Variants in SLC25A37 observed in about 807,000 individuals in gnomAD.
SLC25A37 encodes the protein solute carrier family 25 member 37.
A neutral mutation model predicts 31.0 loss-of-function variants in SLC25A37; 17 were observed. The ratio of observed to expected loss-of-function variants is 0.55; its 90% CI spans 0.38 to 0.82. SLC25A37 has a LOEUF of 0.82. SLC25A37 is among the 40% of genes least tolerant of loss of function. SLC25A37 has a pLI of 0.00. For missense variants in SLC25A37, 404 were observed against 465.8 expected (o/e 0.87, Z 1.22); for synonymous variants, 222 against 193.0 (o/e 1.15, Z -1.24).
chr8:23,566,543 C>T (rs527389507), intron 2 of SLC25A37: 25 of 1,321,428 alleles, frequency 1.9e-5, no homozygotes, highest in East Asian at 6.5e-5. Flanking sequence ...TGTTCCCCTC[C>T]GCTTTCTGAA....
intron 1 of SLC25A37, chr8:23,541,430 C>T (rs990266564): frequency 7.2e-5 from 11 of 152,346 alleles, no homozygotes; most frequent in African/African-American, 2.4e-4. Context: ...GACGCCTGGG[C>T]TCTTCCCCAG....
intron 1 of SLC25A37, among the ~76,000 whole-genome samples, chr8:23,539,508 G>C (rs560114089): frequency 3.3e-5 from 5 of 152,216 alleles, no homozygotes; most frequent in Non-Finnish European, 2.9e-5. Flanking sequence ...AGGAGTGTTT[G>C]TGTGTCAGAC....
chr8:23,537,805 G>T (rs73671466), intron 1 of SLC25A37, among the ~76,000 whole-genome samples: 1 of 152,086 alleles, frequency 6.6e-6, no homozygotes, highest in Non-Finnish European at 1.5e-5. Flanking sequence ...GGTGCCTGCC[G>T]CAGAGCCTGC....
intron 1 of SLC25A37, among the ~76,000 whole-genome samples, chr8:23,563,331 G>C (rs1367760584): frequency 6.6e-6 from 1 of 152,124 alleles, no homozygotes; most frequent in Non-Finnish European, 1.5e-5. Context: ...AGGCTACAGA[G>C]GTGTGCCGCC....
intron 1 of SLC25A37, among the ~76,000 whole-genome samples, chr8:23,538,705 C>T (rs571431061): frequency 5.3e-4 from 80 of 152,314 alleles, no homozygotes; most frequent in African/African-American, 1.9e-3. Flanking sequence ...GGTCCCCGTT[C>T]TCAAAGTAAG....
At chr8:23,568,084 A>C (rs1802716016) in intron 2 of SLC25A37, 1 of 577,534 alleles carries the variant, frequency 1.7e-6, no homozygotes, top group Non-Finnish European at 3.2e-6. Context: ...ACAAGAAAGA[A>C]AACCATGTTT....
At chr8:23,562,515 C>T (rs983248448) in intron 1 of SLC25A37, among the ~76,000 whole-genome samples, 1 of 151,996 alleles carries the variant, frequency 6.6e-6, no homozygotes, top group Admixed American at 6.6e-5. Context: ...TATTGGGTTC[C>T]CAATAAATCA....
intron 1 of SLC25A37, among the ~76,000 whole-genome samples, chr8:23,536,562 C>T (rs1801773248): frequency 6.6e-6 from 1 of 152,178 alleles, no homozygotes; most frequent in African/African-American, 2.4e-5. Flanking sequence ...ACACATGCCT[C>T]AGTTTCCTCC....
In SLC25A37 at chr8:23,568,353, C is replaced by T. The variant is rs958807409; in HGVS notation, c.471C>T (p.His157=). ...CTGGGAGTATGGCCACCCTGCTCCA[C>T]GATGCGGTAATGAATCCAGCAGAAG... ...GIAGSMATLL[H]DAVMNPAEVV... is the part of the protein sequence containing the mutation. The change falls in exon 3 of 4, where the codon CAC becomes CAT. Residue 157 remains histidine, a synonymous_variant. Transcript: ENST00000519973. The T allele has an allele frequency of 6.2e-6, 10 of 1,613,812 alleles. No individual in the cohort carries two copies. Among genetic ancestry groups the T allele is most frequent in the East Asian group, 4.5e-5 (2 of 44,862 alleles).
In SLC25A37 at chr8:23,551,875, C is replaced by T. The variant is rs191551962; in HGVS notation, c.211-14233C>T. On this transcript the variant is annotated intron_variant, in intron 1 of 3. Transcript: ENST00000519973. ...AAACTGAAAGGTGTGTTGGGGGGTACCTAGGGTCAGGATGGGGTTTTATTT... is the reference window on the plus strand; with the variant it reads ...AAACTGAAAGGTGTGTTGGGGGGTATCTAGGGTCAGGATGGGGTTTTATTT... 4.6e-5 allele frequency among the ~76,000 whole-genome samples: 7 copies of T among 152,242 alleles called. No homozygotes were observed. The East Asian group carries it at 1.2e-3, about 25-fold the overall frequency.
Position 23,571,597 on chromosome 8 carries a change from C to A in SLC25A37, c.759C>A (p.Thr253=), listed in dbSNP as rs759162331. 6 of 1,613,874 alleles carry A rather than the reference C, an allele frequency of 3.7e-6. No homozygotes were observed. Among genetic ancestry groups the A allele is most frequent in the East Asian group, 2.2e-5 (1 of 44,876 alleles). ...LAGALAAAAT[T]PLDVCKTLLN... The stretch of plus-strand genomic sequence containing the variant: ...GGGCCCTCGCCGCGGCCGCCACGAC[C>A]CCCCTGGACGTCTGTAAGACCCTTC... The change falls in exon 4 of 4, where the codon ACC becomes ACA. Residue 253 remains threonine, a synonymous_variant. Coordinates refer to ENST00000519973, the MANE Select transcript of SLC25A37 (RefSeq NM_016612.4).
intron 1 of SLC25A37, among the ~76,000 whole-genome samples, chr8:23,544,113 G>C (rs979629024): frequency 6.6e-6 from 1 of 152,128 alleles, no homozygotes; most frequent in Non-Finnish European, 1.5e-5. Flanking sequence ...ACCTGCCCTA[G>C]CCTCCCAAAG....
At position 23,562,212 on chromosome 8, in the gene SLC25A37, T is replaced by G. The variant is rs541042984; in HGVS notation, c.211-3896T>G. Among the ~76,000 whole-genome samples the G allele has an allele frequency of 9.6e-4, 146 of 152,360 alleles. 1 individual carries two copies. Among genetic ancestry groups the G allele is most frequent in the Admixed American group, 3.7e-3 (57 of 15,306 alleles). On this transcript the variant is annotated intron_variant, in intron 1 of 3. Coordinates refer to ENST00000519973, the MANE Select transcript of SLC25A37 (RefSeq NM_016612.4). The stretch of plus-strand genomic sequence containing the variant: ...GGCCTCTCCCCTGAAGGGCGCTGCC[T>G]GGAGCCACCTCTTGTTCACAGGCCC...
intron 2 of SLC25A37, 182 bp from the exon 3 acceptor site, chr8:23,568,140 C>A: frequency 1.4e-6 from 1 of 702,440 alleles, no homozygotes; most frequent in Non-Finnish European, 2.6e-6. Context: ...TAACCATCCC[C>A]ATTTTTATCA....
chr8:23,565,330 C>G (rs1802624271), intron 1 of SLC25A37, among the ~76,000 whole-genome samples: 1 of 152,146 alleles, frequency 6.6e-6, no homozygotes. Context: ...AAGCGCTTTT[C>G]CCTCCTGGAT....
chr8:23,571,778 G>T lies in SLC25A37; in HGVS notation c.940G>T (p.Ala314Ser), dbSNP rs746602617. The T allele has an allele frequency of 6.2e-7, 1 of 1,614,006 alleles. No homozygotes were observed. Among genetic ancestry groups the T allele is most frequent in the East Asian group, 2.2e-5 (1 of 44,876 alleles). The change falls in exon 4 of 4, where the codon GCC (alanine) becomes TCC (serine). Residue 314 changes from alanine (A) to serine (S), a missense_variant. Physicochemically the swap from Ala to Ser is moderately conservative, Grantham distance 99. Around this residue, in one of 3 missense-constraint regions of SLC25A37, gnomAD observed 243 missense variants for 284.4 expected, o/e 0.85. Coordinates refer to ENST00000519973, the MANE Select transcript of SLC25A37 (RefSeq NM_016612.4). ...TGTCATCTACCAGATGCCCTCCACC[G>T]CCATTTCTTGGTCTGTCTATGAGTT... ...ARVIYQMPST[A>S]ISWSVYEFFK... is the part of the protein sequence containing the mutation.
chr8:23,562,773 T>C lies in SLC25A37; in HGVS notation c.211-3335T>C, dbSNP rs567667711. The stretch of plus-strand genomic sequence containing the variant: ...TGGGGAAACTCAAACTTAGAAAGTT[T>C]AATGACCTTGCCCAGGGTCACACCA... On this transcript the variant is annotated intron_variant, in intron 1 of 3. Transcript: ENST00000519973. Among the ~76,000 whole-genome samples the C allele has an allele frequency of 6.6e-5, 10 of 152,330 alleles. No individual in the cohort carries two copies. The South Asian group carries it at 2.1e-3, about 32-fold the overall frequency.
At chr8:23,563,017 C>T (rs570269060) in intron 1 of SLC25A37, among the ~76,000 whole-genome samples, 2 of 152,318 alleles carry the variant, frequency 1.3e-5, no homozygotes, top group Non-Finnish European at 2.9e-5. Context: ...GAACACTTGG[C>T]ATGGTGTGTA....
Position 23,529,261 on chromosome 8 carries a change from G to A in SLC25A37, c.210+49G>A, listed in dbSNP as rs750132628. ...GACGCAACGAGCGGAGAAGGAGCGC[G>A]CGCGCGCATTTGCATCCCGCGCGCC... On this transcript the variant is annotated intron_variant, in intron 1 of 3. Coordinates refer to ENST00000519973, the MANE Select transcript of SLC25A37 (RefSeq NM_016612.4). This position sits in a 1 kb window ranked among gnomAD's most constrained non-coding sequence, Gnocchi z 4.1. 2 of 1,545,166 alleles carry A rather than the reference G, an allele frequency of 1.3e-6. No homozygotes were observed. The highest frequency in any genetic ancestry group is 1.7e-6 in the Non-Finnish European group (2 of 1,143,430).
Sources: gnomAD v4.1 joint callset for allele counts (sites outside exome capture counted in the v4.1 genomes callset) on GRCh38, gnomAD v4.1.1 for gene constraint, gnomAD v4.1.1 regional missense constraint, Gnocchi (gnomAD v3.1) non-coding constraint, MANE v1.5 for transcripts, NCBI Gene and HGNC (gene_info 2026-07-23, HGNC 2026-07-21) for gene names.